Variants in PRELID2 observed in about 807,000 individuals in gnomAD.
PRELID2 encodes the protein PRELI domain-containing protein 2.
In PRELID2, 25 loss-of-function variants were observed where a neutral mutation model predicts 28.4. That is an observed-to-expected ratio of 0.88 (90% CI 0.64 to 1.23). The LOEUF is 1.23. PRELID2 is among the 50% of genes most tolerant of loss of function. The pLI is 0.00. For missense variants in PRELID2, 201 were observed against 214.4 expected (o/e 0.94, Z 0.39); for synonymous variants, 76 against 71.6 (o/e 1.06, Z -0.31).
chr5:145,407,028 G>T, the PRELID2 span, among the ~76,000 whole-genome samples: 3 of 152,172 alleles, frequency 2.0e-5, no homozygotes, highest in African/African-American at 7.2e-5. Context: ...GTTGAAGGAA[G>T]CTTCTACCTA....
intron 1 of PRELID2, among the ~76,000 whole-genome samples, chr5:145,620,040 A>G (rs1753752866): frequency 6.6e-6 from 1 of 152,220 alleles, no homozygotes; most frequent in Non-Finnish European, 1.5e-5. Context: ...AAAATAGTTT[A>G]TCATTCTCTG....
chr5:145,554,660 C>T (rs1401887007), intron 1 of PRELID2, among the ~76,000 whole-genome samples: 7 of 152,236 alleles, frequency 4.6e-5, no homozygotes, highest in Non-Finnish European at 2.9e-5. Context: ...GTGTTGTTGG[C>T]TGGCACTCCT....
chr5:145,812,267 A>G (rs1308177783), intron 4 of PRELID2, among the ~76,000 whole-genome samples: 1 of 151,058 alleles, frequency 6.6e-6, no homozygotes, highest in African/African-American at 2.4e-5. Context: ...CCAAACTTGA[A>G]AAAAAAAAAG....
chr5:145,813,122 A>T (rs1203916233), intron 4 of PRELID2, among the ~76,000 whole-genome samples: 2 of 152,182 alleles, frequency 1.3e-5, no homozygotes, highest in African/African-American at 4.8e-5. Flanking sequence ...CTAGTCACAC[A>T]CCCACACCTG....
In PRELID2 at chr5:145,683,775, C is replaced by T. The variant is rs915230455; in HGVS notation, n.70+81156G>A. Among the ~76,000 whole-genome samples, 4 of 152,170 alleles carry T rather than the reference C, an allele frequency of 2.6e-5. No individual in the cohort carries two copies. The East Asian group carries it at 5.8e-4, about 22-fold the overall frequency. On this transcript the variant is annotated intron_variant and non_coding_transcript_variant, in intron 1 of 2. Transcript: ENST00000510259. Reference sequence around the variant, plus strand: ...AGGAGAGAGGGAGAACACAGTTCAACCTATAACGACCAGTATGGCATGGAG... The same window carrying T: ...AGGAGAGAGGGAGAACACAGTTCAATCTATAACGACCAGTATGGCATGGAG...
the PRELID2 span, among the ~76,000 whole-genome samples, chr5:145,252,836 T>TAA: frequency 6.6e-6 from 1 of 152,148 alleles, no homozygotes; most frequent in African/African-American, 2.4e-5. Flanking sequence ...ACTGTACATC[T>TAA]AAAGTCATAT....
At chr5:145,310,481 C>G in the PRELID2 span, among the ~76,000 whole-genome samples, 1 of 152,192 alleles carries the variant, frequency 6.6e-6, no homozygotes, top group Non-Finnish European at 1.5e-5. Flanking sequence ...TTTAAACCTA[C>G]TTGAAACTGT....
the PRELID2 span, among the ~76,000 whole-genome samples, chr5:145,403,822 C>G: frequency 6.6e-6 from 1 of 152,112 alleles, no homozygotes; most frequent in South Asian, 2.1e-4. Context: ...CTATCAGACT[C>G]AAAATCTATA....
At chr5:145,479,767 T>A (rs1752139361) in intron 1 of PRELID2, among the ~76,000 whole-genome samples, 1 of 152,198 alleles carries the variant, frequency 6.6e-6, no homozygotes, top group Admixed American at 6.5e-5. Context: ...GGTCTTCCAA[T>A]TTTCTGAAAC....
chr5:145,411,731 C>T, the PRELID2 span, among the ~76,000 whole-genome samples: 6 of 152,206 alleles, frequency 3.9e-5, no homozygotes, highest in Admixed American at 6.5e-5. Flanking sequence ...TCCCACATTT[C>T]CCTTCTGTAG....
At chr5:145,558,331 T>C (rs1752898557) in intron 1 of PRELID2, among the ~76,000 whole-genome samples, 1 of 152,248 alleles carries the variant, frequency 6.6e-6, no homozygotes, top group African/African-American at 2.4e-5. Context: ...TGAAACTTCA[T>C]TGTTGTTATA....
At chr5:145,633,782 T>C (rs1753964428) in intron 1 of PRELID2, among the ~76,000 whole-genome samples, 1 of 152,200 alleles carries the variant, frequency 6.6e-6, no homozygotes. Context: ...GGGCATGGTT[T>C]TCCCTGATTC....
Position 145,690,754 on chromosome 5 carries a change from A to ATATC in PRELID2, n.70+74176_70+74177insGATA, listed in dbSNP as rs1242103279. Among the ~76,000 whole-genome samples the ATATC allele has an allele frequency of 3.3e-5, 5 of 152,252 alleles. No individual in the cohort carries two copies. The East Asian group carries it at 9.7e-4, about 29-fold the overall frequency. On this transcript the variant is annotated intron_variant and non_coding_transcript_variant, in intron 1 of 2. Transcript: ENST00000510259. ...ATGAAAAGATGCAGTCCAAAAAGAT[A>ATATC]TAGCCCCTGTTTCTTGCACTTGTCT...
chr5:145,306,815 A>C, the PRELID2 span, among the ~76,000 whole-genome samples: 1 of 152,270 alleles, frequency 6.6e-6, no homozygotes, highest in Non-Finnish European at 1.5e-5. Context: ...CATCAACAGA[A>C]TATCTACACA....
At position 145,712,666 on chromosome 5, in the gene PRELID2, C is replaced by T. The variant is rs144490604; in HGVS notation, n.70+52265G>A. Among the ~76,000 whole-genome samples the T allele has an allele frequency of 3.3e-5, 5 of 152,062 alleles. No homozygotes were observed. In the East Asian group the frequency reaches 9.6e-4, roughly 29 times the overall value. The stretch of plus-strand genomic sequence containing the variant: ...AAATACAAGGCATGTGAAAAAGCAA[C>T]AAAATGTAGCCCATCAAGAGAGAAT... On this transcript the variant is annotated intron_variant and non_coding_transcript_variant, in intron 1 of 2. Transcript: ENST00000510259.
chr5:145,790,719 GTGTATA>G (rs1032891794), intron 5 of PRELID2, among the ~76,000 whole-genome samples: 2 of 57,152 alleles, frequency 3.5e-5, no homozygotes, highest in African/African-American at 9.0e-5. Flanking sequence ...GTGTGTGTGT[GTGTATA>G]TATATATATA....
intron 1 of PRELID2, among the ~76,000 whole-genome samples, chr5:145,693,189 C>T (rs1234428073): frequency 6.7e-6 from 1 of 149,568 alleles, no homozygotes; most frequent in Non-Finnish European, 1.5e-5. Flanking sequence ...GCTCTTTTGC[C>T]CAGTCTAGAA....
intron 5 of PRELID2, among the ~76,000 whole-genome samples, chr5:145,767,724 C>T (rs1391673849): frequency 1.3e-5 from 2 of 152,112 alleles, no homozygotes; most frequent in African/African-American, 4.8e-5. Flanking sequence ...TGAGGCAACC[C>T]CTTCATAAGT....
intron 1 of PRELID2, among the ~76,000 whole-genome samples, chr5:145,521,591 G>T (rs1752563323): frequency 1.3e-5 from 2 of 151,710 alleles, no homozygotes; most frequent in South Asian, 4.2e-4. Flanking sequence ...TATATATAAG[G>T]TATATCTGGA....
Sources: allele counts gnomAD v4.1 joint callset (sites outside exome capture counted in the v4.1 genomes callset), GRCh38; gene constraint gnomAD v4.1.1; transcripts MANE v1.5; gene names NCBI Gene and HGNC (gene_info 2026-07-23, HGNC 2026-07-21).